RPH3AL: variants seen among roughly 807,000 people sequenced by gnomAD.
The protein encoded by RPH3AL is rabphilin 3A like (without C2 domains).
Under a neutral mutation model 43.1 loss-of-function variants are expected in RPH3AL, and 38 were observed. The ratio of observed to expected loss-of-function variants is 0.88; its 90% CI spans 0.68 to 1.15. The LOEUF (loss-of-function observed/expected upper bound fraction) is 1.15. Among genes scored for constraint, RPH3AL ranks in the 50% most tolerant of loss-of-function variants. The pLI, the probability that RPH3AL is intolerant of heterozygous loss-of-function variation, is 0.00. For missense variants in RPH3AL, 462 were observed against 423.2 expected (o/e 1.09, Z -0.81); for synonymous variants, 189 against 176.3 (o/e 1.07, Z -0.57).
In RPH3AL at chr17:215,622, G is replaced by A. The variant is rs2040778343; in HGVS notation, c.876+32C>T. On this transcript the variant is annotated intron_variant, in intron 9 of 9. Transcript: ENST00000331302. This position sits in a 1 kb window ranked among gnomAD's most constrained non-coding sequence, Gnocchi z 4.1. ...AGAGAGGACACGGCCGCGGGGGCAG[G>A]AGAGGGGAGAAGGCAGCAGTTGGGT... The A allele has an allele frequency of 7.9e-7, 1 of 1,260,592 alleles. No individual in the cohort carries two copies. The highest frequency in any genetic ancestry group is 4.1e-5 in the Admixed American group (1 of 24,140). The allele number at this position is 1,260,592 out of a possible 1,614,324, so 78.1% of individuals were successfully genotyped here.
intron 7 of RPH3AL, among the ~76,000 whole-genome samples, chr17:240,607 G>A (rs984860614): frequency 6.6e-6 from 1 of 152,160 alleles, no homozygotes; most frequent in Non-Finnish European, 1.5e-5. Context: ...GGCTCATCCA[G>A]GCTGCAGCGT....
intron 5 of RPH3AL, among the ~76,000 whole-genome samples, chr17:286,378 C>T (rs1202168719): frequency 6.6e-6 from 1 of 152,154 alleles, no homozygotes; most frequent in East Asian, 1.9e-4. Flanking sequence ...ACGCTGGCGG[C>T]ACCTGGGGTC....
chr17:274,525 G>A lies in RPH3AL; in HGVS notation c.438+7243C>T, dbSNP rs941438420. On this transcript the variant is annotated intron_variant, in intron 6 of 9. Transcript: ENST00000331302. The surrounding 1 kb of genome is among the most constrained non-coding windows in gnomAD (Gnocchi z 4.7). Reference sequence around the variant, plus strand: ...CGGCAATGTGAGTTGCATTGGGGAAGGAGTATTTCCTGAAGCAAGGCTGCA... The same window carrying A: ...CGGCAATGTGAGTTGCATTGGGGAAAGAGTATTTCCTGAAGCAAGGCTGCA... Among the ~76,000 whole-genome samples, 4 of 152,244 alleles carry A rather than the reference G, an allele frequency of 2.6e-5. No homozygotes were observed. The highest frequency in any genetic ancestry group is 6.5e-5 in the Admixed American group (1 of 15,284).
At chr17:309,782 G>A (rs1210329973) in intron 5 of RPH3AL, among the ~76,000 whole-genome samples, 2 of 152,038 alleles carry the variant, frequency 1.3e-5, no homozygotes, top group African/African-American at 4.8e-5. Flanking sequence ...CCTGCCAGGG[G>A]TCCGGGATGA....
In RPH3AL at chr17:344,388, C is replaced by T. The variant is rs1459293379; in HGVS notation, c.-213+8324G>A. ...ACACCACTATCATAACCATCACCACCATCAGACATCATCACCATCATCACC... is the reference window on the plus strand; with the variant it reads ...ACACCACTATCATAACCATCACCACTATCAGACATCATCACCATCATCACC... On this transcript the variant is annotated intron_variant, in intron 1 of 9. Coordinates refer to ENST00000331302, the MANE Select transcript of RPH3AL (RefSeq NM_006987.4). Among the ~76,000 whole-genome samples, 3 of 131,148 alleles carry T rather than the reference C, an allele frequency of 2.3e-5. 1 individual carries two copies. In the East Asian group the frequency reaches 7.5e-4, roughly 33 times the overall value. The allele number at this position is 131,148 out of a possible 152,430, so 86.0% of individuals were successfully genotyped here. A position where few individuals can be genotyped will look rare whatever the true frequency, so the allele number is the denominator to read the frequency against.
At chr17:335,562 G>A (rs1441530604) in intron 1 of RPH3AL, among the ~76,000 whole-genome samples, 1 of 152,126 alleles carries the variant, frequency 6.6e-6, no homozygotes, top group African/African-American at 2.4e-5. Flanking sequence ...GGACAGGTAT[G>A]CTTGTCATGC....
chr17:331,153 C>T (rs1385846483), intron 2 of RPH3AL: 1 of 152,412 alleles, frequency 6.6e-6, no homozygotes, highest in African/African-American at 2.4e-5. Flanking sequence ...GAACTGAGCC[C>T]TCCCCAGCCC....
chr17:226,915 C>G (rs895475288), intron 7 of RPH3AL, among the ~76,000 whole-genome samples: 3 of 152,220 alleles, frequency 2.0e-5, no homozygotes, highest in Admixed American at 1.3e-4. Flanking sequence ...TCTCCAAAGG[C>G]TGAGTCTGGG....
intron 6 of RPH3AL, among the ~76,000 whole-genome samples, chr17:270,506 C>T (rs1006109654): frequency 2.0e-5 from 3 of 152,146 alleles, no homozygotes; most frequent in African/African-American, 7.2e-5. Flanking sequence ...AGCTGGAAGA[C>T]CCCAGTGGGC....
intron 6 of RPH3AL, among the ~76,000 whole-genome samples, chr17:273,097 G>GACGTCAGGGAGAGACCCCAGCGAGGGCT (rs2042546490): frequency 8.2e-6 from 1 of 122,470 alleles, no homozygotes; most frequent in African/African-American, 3.2e-5. Flanking sequence ...CAGCGAGGGT[G>GACGTCAGGGAGAGACCCCAGCGAGGGCT]ACGTCAGGGA....
rs565694631 is a variant in RPH3AL, at chr17:351,487, C to A, written c.-213+1225G>T. Among the ~76,000 whole-genome samples the A allele has an allele frequency of 3.9e-5, 6 of 152,234 alleles. No homozygotes were observed. The South Asian group carries it at 1.2e-3, about 32-fold the overall frequency. ...AAATAGATTACACCAAGAATCGTAC[C>A]CACATGTCTGGACCTGTAAGTACAG... On this transcript the variant is annotated intron_variant, in intron 1 of 9. Coordinates refer to ENST00000331302, the MANE Select transcript of RPH3AL (RefSeq NM_006987.4).
chr17:242,348 T>C, intron 7 of RPH3AL, among the ~76,000 whole-genome samples: 1 of 72,866 alleles, frequency 1.4e-5, no homozygotes, highest in Non-Finnish European at 2.9e-5. Flanking sequence ...CTTCCTCTAT[T>C]GACTACCTTC....
intron 8 of RPH3AL, among the ~76,000 whole-genome samples, chr17:218,999 G>A (rs545490658): frequency 6.6e-6 from 1 of 152,152 alleles, no homozygotes; most frequent in South Asian, 2.1e-4. Flanking sequence ...CCAAGGGCAT[G>A]GGTGGCCTGG....
intron 7 of RPH3AL, among the ~76,000 whole-genome samples, chr17:222,351 T>A (rs2041012674): frequency 6.6e-6 from 1 of 152,228 alleles, no homozygotes. Context: ...CTGATTTTAC[T>A]GCAAGAATTG....
At chr17:304,354 G>A (rs1309874303) in intron 5 of RPH3AL, among the ~76,000 whole-genome samples, 2 of 151,922 alleles carry the variant, frequency 1.3e-5, no homozygotes, top group African/African-American at 4.8e-5. Context: ...ATGAGCCCAG[G>A]CCGGGAGGAC....
intron 7 of RPH3AL, among the ~76,000 whole-genome samples, chr17:239,342 C>T (rs1040842193): frequency 2.0e-5 from 3 of 152,188 alleles, no homozygotes; most frequent in African/African-American, 7.2e-5. Flanking sequence ...TTTCTGGATA[C>T]ACCTAGAAGG....
intron 5 of RPH3AL, among the ~76,000 whole-genome samples, chr17:305,457 C>G (rs935764302): frequency 2.0e-5 from 3 of 152,098 alleles, no homozygotes; most frequent in Admixed American, 6.5e-5. Flanking sequence ...AACCTCCTAG[C>G]CCCTGACGTC....
intron 5 of RPH3AL, among the ~76,000 whole-genome samples, chr17:315,282 C>A (rs2043943257): frequency 6.6e-6 from 1 of 151,746 alleles, no homozygotes; most frequent in African/African-American, 2.4e-5. Flanking sequence ...CCTGTAGTCC[C>A]TGTGCCCCCA....
chr17:299,170 A>G (rs1323287580), intron 5 of RPH3AL, among the ~76,000 whole-genome samples: 1 of 152,138 alleles, frequency 6.6e-6, no homozygotes, highest in Non-Finnish European at 1.5e-5. Flanking sequence ...TCTGGAACCC[A>G]GTGGGGGCCC....
Sources: allele counts gnomAD v4.1 joint callset (sites outside exome capture counted in the v4.1 genomes callset), GRCh38; gene constraint gnomAD v4.1.1; non-coding constraint Gnocchi (gnomAD v3.1); transcripts MANE v1.5; gene names NCBI Gene and HGNC (gene_info 2026-07-23, HGNC 2026-07-21).